BICDL1: variants seen among roughly 807,000 people sequenced by gnomAD.
The protein encoded by BICDL1 is BICD family-like cargo adapter 1.
A neutral mutation model predicts 76.8 loss-of-function variants in BICDL1; 20 were observed. The ratio of observed to expected loss-of-function variants is 0.26; its 90% confidence interval spans 0.18 to 0.38. The LOEUF (loss-of-function observed/expected upper bound fraction) is 0.38, where lower values mean the gene tolerates loss of function less well. Ranked by LOEUF, BICDL1 falls within the 10% of genes least tolerant of loss-of-function variation. The probability of loss-of-function intolerance (pLI) is 1.00; values close to 1 mark genes in which losing one functional copy is unlikely to be tolerated. For missense variants in BICDL1, 700 were observed against 798.6 expected (o/e 0.88, Z 1.49); for synonymous variants, 383 against 337.1 (o/e 1.14, Z -1.49).
intron 2 of BICDL1, among the ~76,000 whole-genome samples, chr12:120,034,468 A>C (rs767856793): frequency 6.6e-6 from 1 of 152,234 alleles, no homozygotes; most frequent in Non-Finnish European, 1.5e-5. Context: ...TGGGCAGTTA[A>C]TCCCTGGAGA....
At chr12:120,051,780 C>T (rs1952864783) in intron 2 of BICDL1, among the ~76,000 whole-genome samples, 1 of 152,172 alleles carries the variant, frequency 6.6e-6, no homozygotes, top group African/African-American at 2.4e-5. Flanking sequence ...TGAGACACTA[C>T]TATTAACTAA....
chr12:120,052,558 T>C (rs950733647), intron 2 of BICDL1, among the ~76,000 whole-genome samples: 1 of 152,108 alleles, frequency 6.6e-6, no homozygotes, highest in Non-Finnish European at 1.5e-5. Flanking sequence ...ATGGAGGACA[T>C]GTGATGTTGA....
intron 7 of BICDL1, among the ~76,000 whole-genome samples, chr12:120,074,900 G>A (rs567105510): frequency 6.6e-6 from 1 of 152,350 alleles, no homozygotes; most frequent in African/African-American, 2.4e-5. Flanking sequence ...ACTTATGGGT[G>A]CTTTTCCAGC....
At chr12:120,035,518 A>G (rs1952514529) in intron 2 of BICDL1, among the ~76,000 whole-genome samples, 1 of 152,228 alleles carries the variant, frequency 6.6e-6, no homozygotes, top group Admixed American at 6.5e-5. Context: ...GTCACCACAT[A>G]TAGTGAACAA....
rs1873101025 is a variant in BICDL1, at chr12:120,071,495, T to G, written c.910-127T>G. 7.6e-7 allele frequency: 1 copy of G among 1,321,146 alleles called. No homozygotes were observed. The highest frequency in any genetic ancestry group is 1.5e-5 in the African/African-American group (1 of 66,812). 81.8% of individuals were successfully genotyped at this position (1,321,146 alleles called of 1,614,324 possible). ...GTGCATCTCCTGATGTAGTTTAACA[T>G]GTTCTTCTCTCCTATTTATTTTTCT... On this transcript the variant is annotated intron_variant, in intron 4 of 9. Transcript: ENST00000548673. This position sits in a 1 kb window ranked among gnomAD's most constrained non-coding sequence, Gnocchi z 4.8.
rs1041919542 is a variant in BICDL1 at position 120,090,803 on chromosome 12, A to G, written c.1704+732A>G. On this transcript the variant is annotated intron_variant, in intron 9 of 9. Transcript: ENST00000548673. ...GCCCCATGGGGCTGGCAGCCAGAAC[A>G]CTGGCCCCACCGCAGGGTGCCCGTC... The G allele has an allele frequency of 2.9e-6, 3 of 1,051,398 alleles. No individual in the cohort carries two copies. The African/African-American group carries it at 4.9e-5, about 17-fold the overall frequency. 65.1% of individuals were successfully genotyped at this position (1,051,398 alleles called of 1,614,324 possible).
chr12:119,995,216 G>A (rs544724574), intron 1 of BICDL1, among the ~76,000 whole-genome samples: 2 of 152,244 alleles, frequency 1.3e-5, no homozygotes, highest in South Asian at 2.1e-4. Flanking sequence ...GGTTAATTTA[G>A]CACTTAATTG....
At position 120,094,253 on chromosome 12, in the gene BICDL1, CG is replaced by C. The variant is rs749400731; in HGVS notation, c.*1093del. ...CGGCCAGCCCTCAGCTGCTCACAACCGATTCAGTCTCCCTCCCTCCCTCACG... is the reference window on the plus strand; with the variant it reads ...CGGCCAGCCCTCAGCTGCTCACAACCATTCAGTCTCCCTCCCTCCCTCACG... On this transcript the variant is annotated 3_prime_UTR_variant, in exon 10 of 10. Coordinates refer to ENST00000548673, the MANE Select transcript of BICDL1 (RefSeq NM_001367886.1). The C allele has an allele frequency of 8.8e-6, 4 of 456,766 alleles. No individual in the cohort carries two copies. Among genetic ancestry groups the C allele is most frequent in the Non-Finnish European group, 1.8e-5 (4 of 226,984 alleles). The allele number at this position is 456,766 out of a possible 1,614,324, so 28.3% of individuals were successfully genotyped here. A position where few individuals can be genotyped will look rare whatever the true frequency, so the allele number is the denominator to read the frequency against.
chr12:119,999,771 C>A, intron 2 of BICDL1: 1 of 444,386 alleles, frequency 2.3e-6, no homozygotes, highest in African/African-American at 2.0e-5. Context: ...AAAATTAAGA[C>A]TTGGATTTAC....
intron 8 of BICDL1, among the ~76,000 whole-genome samples, chr12:120,088,552 T>G (rs1462446742): frequency 6.6e-6 from 1 of 151,726 alleles, no homozygotes; most frequent in Non-Finnish European, 1.5e-5. Context: ...AGATGGGTTT[T>G]CGCCATGTTG....
chr12:120,089,921 C>CCATGTT, intron 8 of BICDL1, 30 bp from the exon 9 acceptor site: 2 of 1,612,022 alleles, frequency 1.2e-6, no homozygotes, highest in Non-Finnish European at 1.7e-6. Context: ...CACAAGGTGT[C>CCATGTT]CATGTTCACC....
At chr12:120,010,630 G>T (rs961257928) in intron 2 of BICDL1, among the ~76,000 whole-genome samples, 1 of 152,196 alleles carries the variant, frequency 6.6e-6, no homozygotes, top group African/African-American at 2.4e-5. Flanking sequence ...TGAATGGATT[G>T]TTAATCTGGT....
At chr12:120,007,470 C>T (rs1951871806) in intron 2 of BICDL1, among the ~76,000 whole-genome samples, 1 of 152,152 alleles carries the variant, frequency 6.6e-6, no homozygotes, top group Non-Finnish European at 1.5e-5. Flanking sequence ...CACGTACACA[C>T]TCTCAGCTCC....
At chr12:120,013,397 G>A (rs1352124378) in intron 2 of BICDL1, among the ~76,000 whole-genome samples, 1 of 150,590 alleles carries the variant, frequency 6.6e-6, no homozygotes, top group Non-Finnish European at 1.5e-5. Flanking sequence ...CTCCTGCTAG[G>A]TTTTAGACAC....
At chr12:120,048,979 C>G (rs1952802001) in intron 2 of BICDL1, among the ~76,000 whole-genome samples, 1 of 152,156 alleles carries the variant, frequency 6.6e-6, no homozygotes, top group South Asian at 2.1e-4. Context: ...TCAGTTCAGG[C>G]ATTTCTTGGC....
At chr12:120,013,060 C>T (rs1951984805) in intron 2 of BICDL1, among the ~76,000 whole-genome samples, 1 of 151,988 alleles carries the variant, frequency 6.6e-6, no homozygotes, top group Non-Finnish European at 1.5e-5. Context: ...CCTGTAATCC[C>T]AGCACTTTGG....
intron 2 of BICDL1, among the ~76,000 whole-genome samples, chr12:120,054,249 T>C (rs1952928238): frequency 6.6e-6 from 1 of 151,910 alleles, no homozygotes; most frequent in Non-Finnish European, 1.5e-5. Flanking sequence ...ATTTTATTGC[T>C]TTTTTAGTAG....
At chr12:120,088,718 G>A (rs1481053970) in intron 8 of BICDL1, among the ~76,000 whole-genome samples, 4 of 151,066 alleles carry the variant, frequency 2.6e-5, no homozygotes, top group Non-Finnish European at 4.4e-5. Context: ...CCAGGCTGCA[G>A]TGCAGTGGCG....
At chr12:120,017,944 C>G (rs1436530127) in intron 2 of BICDL1, among the ~76,000 whole-genome samples, 2 of 152,184 alleles carry the variant, frequency 1.3e-5, no homozygotes, top group African/African-American at 4.8e-5. Flanking sequence ...CTTGCAAACA[C>G]CTGTTTCCAT....
Sources: allele counts gnomAD v4.1 joint callset (sites outside exome capture counted in the v4.1 genomes callset), GRCh38; gene constraint gnomAD v4.1.1; non-coding constraint Gnocchi (gnomAD v3.1); transcripts MANE v1.5; gene names NCBI Gene and HGNC (gene_info 2026-07-23, HGNC 2026-07-21).